The following ANK3 variants were observed in gnomAD, a reference collection of about 807,000 sequenced individuals.
The protein encoded by ANK3 is ankyrin 3.
In ANK3, 57 loss-of-function variants were observed where a neutral mutation model predicts 370.9. That is an observed-to-expected ratio of 0.15 (90% CI 0.12 to 0.19). The LOEUF is 0.19. ANK3 is among the 10% of genes least tolerant of loss of function. The pLI, the probability that ANK3 is intolerant of heterozygous loss-of-function variation, is 1.00. For synonymous variants in ANK3, 1,929 were observed against 1,946.3 expected (o/e 0.99, Z 0.23); for missense variants, 4,439 against 5,302.1 (o/e 0.84, Z 5.06).
At chr10:60,391,027 C>G (rs1321999388), upstream of ANK3, among the ~76,000 whole-genome samples, 1 of 152,154 alleles carries the variant, frequency 6.6e-6, no homozygotes, top group Non-Finnish European at 1.5e-5. Context: ...CTGCAAACAA[C>G]TTTTACTCAC....
chr10:60,676,143 A>T (rs916574251), intron 1 of ANK3, among the ~76,000 whole-genome samples: 1 of 152,218 alleles, frequency 6.6e-6, no homozygotes. Context: ...TCAAAAAAAT[A>T]AGTGAAAATA....
intron 23 of ANK3, among the ~76,000 whole-genome samples, chr10:60,164,713 C>A (rs1272062720): frequency 6.6e-6 from 1 of 152,066 alleles, no homozygotes; most frequent in East Asian, 1.9e-4. Flanking sequence ...GACTATGCAG[C>A]TTAGGAATTA....
rs565298479 is a variant in ANK3, at chr10:60,063,239, G to A, written c.12467C>T (p.Ser4156Leu). The A allele has an allele frequency of 1.1e-5, 17 of 1,606,336 alleles. No individual in the cohort carries two copies. The highest frequency in any genetic ancestry group is 5.1e-5 in the Admixed American group (3 of 58,694). Residue 4156 changes from serine to leucine, a missense_variant, in exon 40 of 44, where the codon TCG becomes TTG. Coordinates refer to ENST00000280772, the MANE Select transcript of ANK3 (RefSeq NM_020987.5). The stretch of plus-strand genomic sequence containing the variant: ...TATTCGATTAATTTTTGTCAAGACC[G>A]AAGTTAAGGCATCAGCTGAAAAGGA... The part of the protein sequence containing the change: ...GKNATTDALT[S>L]VLTKINRIDI...
chr10:60,357,363 A>G (rs1216049691), intron 1 of ANK3, among the ~76,000 whole-genome samples: 1 of 152,114 alleles, frequency 6.6e-6, no homozygotes, highest in Non-Finnish European at 1.5e-5. Context: ...TCCATTCCAT[A>G]CAGACCTTCA....
At chr10:60,297,664 C>T (rs1177583838) in intron 1 of ANK3, among the ~76,000 whole-genome samples, 2 of 152,080 alleles carry the variant, frequency 1.3e-5, no homozygotes, top group African/African-American at 4.8e-5. Flanking sequence ...GAAAAGATAT[C>T]TCATTATATT....
At chr10:60,711,563 G>T (rs1480031239) in intron 1 of ANK3, among the ~76,000 whole-genome samples, 1 of 151,700 alleles carries the variant, frequency 6.6e-6, no homozygotes, top group Non-Finnish European at 1.5e-5. Flanking sequence ...AGAAGAAATC[G>T]AATATTCAAA....
At chr10:60,281,783 T>G (rs2098167225) in intron 1 of ANK3, among the ~76,000 whole-genome samples, 1 of 152,160 alleles carries the variant, frequency 6.6e-6, no homozygotes. Context: ...TACCAGAGAT[T>G]ATAAACTAAG....
At chr10:60,459,365 G>A (rs970768304) in intron 2 of ANK3, among the ~76,000 whole-genome samples, 1 of 152,152 alleles carries the variant, frequency 6.6e-6, no homozygotes, top group Non-Finnish European at 1.5e-5. Context: ...GCAGGTCGGG[G>A]ACACTGCCAC....
intron 1 of ANK3, among the ~76,000 whole-genome samples, chr10:60,381,878 G>A (rs2061597576): frequency 6.6e-6 from 1 of 152,086 alleles, no homozygotes; most frequent in Non-Finnish European, 1.5e-5. Flanking sequence ...AACTCACATT[G>A]AGCCTCAAGG....
At chr10:60,260,215 A>G (rs1298869500) in intron 7 of ANK3, among the ~76,000 whole-genome samples, 1 of 152,188 alleles carries the variant, frequency 6.6e-6, no homozygotes, top group East Asian at 1.9e-4. Context: ...CCAACCTGCT[A>G]GCACTGTGAT....
chr10:60,108,705 AC>A, intron 27 of ANK3, 124 bp downstream of exon 27: 2 of 772,678 alleles, frequency 2.6e-6, no homozygotes, highest in Non-Finnish European at 4.2e-6. Context: ...TTGACACTTT[AC>A]AAAAAGTATA....
chr10:60,389,854 C>A lies in ANK3; in HGVS notation c.-316G>T. The A allele has an allele frequency of 9.3e-7, 1 of 1,077,848 alleles. No homozygotes were observed. Among genetic ancestry groups the A allele is most frequent in the Non-Finnish European group, 1.1e-6 (1 of 889,886 alleles). The allele number at this position is 1,077,848 out of a possible 1,614,324, so 66.8% of individuals were successfully genotyped here. A position where few individuals can be genotyped will look rare whatever the true frequency, so the allele number is the denominator to read the frequency against. On this transcript the variant is annotated 5_prime_UTR_variant, in exon 1 of 44. Coordinates refer to ENST00000280772, the MANE Select transcript of ANK3 (RefSeq NM_020987.5). Reference sequence around the variant, plus strand: ...AGCTGTATTATGGCTGTATCCCCTGCCACCAGCTGGAAGTGTCTAAGTGAT... The same window carrying A: ...AGCTGTATTATGGCTGTATCCCCTGACACCAGCTGGAAGTGTCTAAGTGAT...
At chr10:60,416,408 A>G (rs1263569738) in intron 2 of ANK3, among the ~76,000 whole-genome samples, 2 of 152,226 alleles carry the variant, frequency 1.3e-5, no homozygotes, top group Non-Finnish European at 2.9e-5. Context: ...CGCATGTTAA[A>G]TGGGTGCACT....
chr10:60,105,708 T>C (rs1427399784), intron 28 of ANK3, among the ~76,000 whole-genome samples, 197 bp downstream of exon 28: 1 of 152,224 alleles, frequency 6.6e-6, no homozygotes, highest in Non-Finnish European at 1.5e-5. Context: ...TATACTTCTA[T>C]ATTACGGAGA....
At position 60,075,196 on chromosome 10, in the gene ANK3, T is replaced by C. The variant is rs757834994; in HGVS notation, c.5685A>G (p.Leu1895=). 3.1e-6 allele frequency: 5 copies of C among 1,614,026 alleles called. No individual in the cohort carries two copies. In the African/African-American group the frequency reaches 6.7e-5, roughly 22 times the overall value. ...SALKLSTPSS[L]SSSQEILKDV... Reference sequence around the variant, plus strand: ...CTTTTAGTATCTCCTGACTGGAAGATAAAGAAGATGGTGTAGACAACTTAA... The same window carrying C: ...CTTTTAGTATCTCCTGACTGGAAGACAAAGAAGATGGTGTAGACAACTTAA... The change falls in exon 37 of 44, where the codon TTA becomes TTG. Residue 1895 remains leucine, a synonymous_variant. Coordinates refer to ENST00000280772, the MANE Select transcript of ANK3 (RefSeq NM_020987.5).
At chr10:60,137,950 T>C (rs987407220) in intron 24 of ANK3, among the ~76,000 whole-genome samples, 4 of 152,158 alleles carry the variant, frequency 2.6e-5, no homozygotes, top group African/African-American at 4.8e-5. Context: ...TTTAAAGTTA[T>C]TTTTCCTCTT....
chr10:60,457,929 C>A (rs1477292708), intron 2 of ANK3, among the ~76,000 whole-genome samples: 1 of 152,034 alleles, frequency 6.6e-6, no homozygotes, highest in Non-Finnish European at 1.5e-5. Flanking sequence ...CAGGCACAAT[C>A]ACGGGTCTGT....
intron 25 of ANK3, among the ~76,000 whole-genome samples, chr10:60,120,612 T>A (rs879930193): frequency 7.5e-6 from 1 of 133,766 alleles, no homozygotes; most frequent in Non-Finnish European, 1.7e-5. Flanking sequence ...CTCAAACAAC[T>A]CTCTAAGGAA....
rs752410517 is a variant in ANK3, at chr10:60,338,834, A to G, written c.114+50591T>C. ...CATCTGTGGGAGTTTAATCCTCTGCATTGTGATGAAAATGCAATCTACTCA... is the reference window on the plus strand; with the variant it reads ...CATCTGTGGGAGTTTAATCCTCTGCGTTGTGATGAAAATGCAATCTACTCA... On this transcript the variant is annotated intron_variant, in intron 1 of 43. Coordinates refer to ENST00000280772, the MANE Select transcript of ANK3 (RefSeq NM_020987.5). Among the ~76,000 whole-genome samples the G allele has an allele frequency of 1.1e-3, 174 of 152,332 alleles. 1 individual carries two copies. In the Middle Eastern group the frequency reaches 0.017, roughly 15 times the overall value.
Sources: allele counts gnomAD v4.1 joint callset (sites outside exome capture counted in the v4.1 genomes callset), GRCh38; gene constraint gnomAD v4.1.1; transcripts MANE v1.5; gene names NCBI Gene and HGNC (gene_info 2026-07-23, HGNC 2026-07-21).